GPC6: variants seen among roughly 807,000 people sequenced by gnomAD.
GPC6 encodes glypican 6.
GPC6 carries 14 observed loss-of-function variants against 55.2 expected under a neutral mutation model. The observed-to-expected ratio is 0.25, with a 90% CI of 0.17 to 0.40. The LOEUF is 0.40. Among genes scored for constraint, GPC6 ranks in the 10% least tolerant of loss-of-function variants. The pLI, the probability that GPC6 is intolerant of heterozygous loss-of-function variation, is 1.00. For missense variants in GPC6, 641 were observed against 708.5 expected, an observed-to-expected ratio of 0.90 and a Z score of 1.08; for synonymous variants, 278 against 259.6, an observed-to-expected ratio of 1.07 and a Z score of -0.68.
At chr13:93,950,621 C>G (rs1879211158) in intron 3 of GPC6, among the ~76,000 whole-genome samples, 1 of 152,154 alleles carries the variant, frequency 6.6e-6, no homozygotes. Context: ...AGTATTTTCC[C>G]TAACCTAGCG....
intron 6 of GPC6, among the ~76,000 whole-genome samples, chr13:94,376,709 C>A (rs2139200309): frequency 6.6e-6 from 1 of 152,220 alleles, no homozygotes; most frequent in South Asian, 2.1e-4. Context: ...CTTTAAAGTT[C>A]ATATGGAACC....
chr13:93,922,006 T>C (rs1384049173), intron 3 of GPC6, among the ~76,000 whole-genome samples: 1 of 151,986 alleles, frequency 6.6e-6, no homozygotes, highest in African/African-American at 2.4e-5. Flanking sequence ...ATTTGTTACA[T>C]AGAATTCAAA....
chr13:93,597,180 C>T (rs1178287029), intron 2 of GPC6, among the ~76,000 whole-genome samples: 1 of 152,030 alleles, frequency 6.6e-6, no homozygotes, highest in Admixed American at 6.6e-5. Context: ...AAATGTTTGT[C>T]TCATCCAGAA....
chr13:94,395,267 A>G (rs1167193926), intron 7 of GPC6, among the ~76,000 whole-genome samples: 1 of 152,220 alleles, frequency 6.6e-6, no homozygotes, highest in African/African-American at 2.4e-5. Context: ...TTTGCATATG[A>G]GATATAGTAA....
At chr13:94,268,181 C>T (rs1891874849) in intron 4 of GPC6, among the ~76,000 whole-genome samples, 1 of 152,124 alleles carries the variant, frequency 6.6e-6, no homozygotes, top group African/African-American at 2.4e-5. Flanking sequence ...GCAAATGTGT[C>T]CATACTAACT....
At chr13:94,377,162 A>G (rs1879907703) in intron 6 of GPC6, among the ~76,000 whole-genome samples, 1 of 151,788 alleles carries the variant, frequency 6.6e-6, no homozygotes, top group African/African-American at 2.4e-5. Context: ...TGTCTAAAAC[A>G]CCAAAAGCAA....
At chr13:93,494,955 C>G (rs1348133581) in intron 1 of GPC6, among the ~76,000 whole-genome samples, 2 of 143,226 alleles carry the variant, frequency 1.4e-5, no homozygotes, top group Non-Finnish European at 3.0e-5. Context: ...CTGCCCTTAA[C>G]ATTTTTTCCT....
chr13:94,223,217 T>C (rs1220813721), intron 4 of GPC6, among the ~76,000 whole-genome samples: 1 of 152,166 alleles, frequency 6.6e-6, no homozygotes, highest in Non-Finnish European at 1.5e-5. Flanking sequence ...TCATGTGTTA[T>C]GTAAACTCTG....
Position 94,338,313 on chromosome 13 carries a change from C to A in GPC6, c.1152+32190C>A, listed in dbSNP as rs529691329. ...TTTGGGGGAACCCACAAGCAGCACC[C>A]AATGCAAATGGGGACAGAGAACCCA... On this transcript the variant is annotated intron_variant, in intron 6 of 8. Coordinates refer to ENST00000377047, the MANE Select transcript of GPC6 (RefSeq NM_005708.5). Among the ~76,000 whole-genome samples, 16 of 152,226 alleles carry A rather than the reference C, an allele frequency of 1.1e-4. No homozygotes were observed. The South Asian group carries it at 2.5e-3, about 24-fold the overall frequency.
intron 2 of GPC6, among the ~76,000 whole-genome samples, chr13:93,721,836 A>G (rs1031110606): frequency 6.6e-6 from 1 of 151,788 alleles, no homozygotes; most frequent in Non-Finnish European, 1.5e-5. Flanking sequence ...ACATCCACAT[A>G]TTAAGGCAAT....
intron 2 of GPC6, among the ~76,000 whole-genome samples, chr13:93,767,722 A>G (rs892644132): frequency 6.6e-6 from 1 of 152,290 alleles, no homozygotes; most frequent in South Asian, 2.1e-4. Context: ...GAAGGGCCTG[A>G]TTACTAACCA....
intron 3 of GPC6, among the ~76,000 whole-genome samples, chr13:93,909,392 A>G (rs986686280): frequency 5.3e-5 from 8 of 152,218 alleles, no homozygotes; most frequent in African/African-American, 9.6e-5. Context: ...AGAAAAACAT[A>G]AAGAAGAACA....
chr13:93,592,117 T>A (rs1460031667), intron 2 of GPC6, among the ~76,000 whole-genome samples: 1 of 152,026 alleles, frequency 6.6e-6, no homozygotes, highest in African/African-American at 2.4e-5. Flanking sequence ...CTCTGTTTAA[T>A]ATATTTGAGT....
chr13:93,444,510 G>T (rs1274342416), intron 1 of GPC6, among the ~76,000 whole-genome samples: 1 of 152,078 alleles, frequency 6.6e-6, no homozygotes, highest in Non-Finnish European at 1.5e-5. Flanking sequence ...GGGAGACTGC[G>T]GCAGAAGAAT....
At chr13:93,946,927 G>C (rs1879035261) in intron 3 of GPC6, among the ~76,000 whole-genome samples, 1 of 152,108 alleles carries the variant, frequency 6.6e-6, no homozygotes, top group African/African-American at 2.4e-5. Flanking sequence ...ATATTGCCTG[G>C]AATGAAAGGG....
At position 94,155,012 on chromosome 13, in the gene GPC6, T is replaced by C. The variant is rs1471651099; in HGVS notation, c.877+127118T>C. Among the ~76,000 whole-genome samples, 4 of 152,134 alleles carry C rather than the reference T, an allele frequency of 2.6e-5. No homozygotes were observed. In the East Asian group the frequency reaches 7.7e-4, roughly 29 times the overall value. ...CCCTTTCTTGTCCCTTGAGCGCTGG[T>C]GTCCCCAGGGCACTGCATTGGTCCT... On this transcript the variant is annotated intron_variant, in intron 4 of 8. Transcript: ENST00000377047.
At chr13:93,560,350 A>C (rs1446283291) in intron 2 of GPC6, among the ~76,000 whole-genome samples, 1 of 147,244 alleles carries the variant, frequency 6.8e-6, no homozygotes, top group African/African-American at 2.6e-5. Flanking sequence ...TCTACCAAAA[A>C]AAAAAAAAAA....
chr13:94,265,352 T>C (rs1460559361), intron 4 of GPC6, among the ~76,000 whole-genome samples: 1 of 152,124 alleles, frequency 6.6e-6, no homozygotes, highest in East Asian at 1.9e-4. Flanking sequence ...TGGAGTCTGA[T>C]GTTTGAGGGC....
intron 2 of GPC6, among the ~76,000 whole-genome samples, chr13:93,546,509 G>A (rs1312327162): frequency 6.6e-6 from 1 of 152,152 alleles, no homozygotes; most frequent in East Asian, 1.9e-4. Context: ...GTAAGTGACC[G>A]GAGTTTGATC....
Sources: gnomAD v4.1 joint callset for allele counts (sites outside exome capture counted in the v4.1 genomes callset) on GRCh38, gnomAD v4.1.1 for gene constraint, MANE v1.5 for transcripts, NCBI Gene and HGNC (gene_info 2026-07-23, HGNC 2026-07-21) for gene names.